The following CENPF variants were observed in gnomAD, a reference collection of about 807,000 sequenced individuals.
CENPF encodes the protein centromere protein F, also known as AH antigen.
In CENPF, 214 loss-of-function variants were observed where a neutral mutation model predicts 307.3. That is an observed-to-expected ratio of 0.70 (90% CI 0.62 to 0.78). The LOEUF is 0.78. CENPF is among the 30% of genes least tolerant of loss of function. The pLI is 0.00. For synonymous variants in CENPF, 1,259 were observed against 1,270.6 expected (o/e 0.99, Z 0.19); for missense variants, 3,401 against 3,483.9 (o/e 0.98, Z 0.60).
At chr1:214,639,776 A>G (rs1658054953) in intron 11 of CENPF, 145 bp from the exon 12 acceptor site, 1 of 423,364 alleles carries the variant, frequency 2.4e-6, no homozygotes, top group Non-Finnish European at 4.1e-6. Flanking sequence ...TCTAGGAGGT[A>G]CCCAGGCAAT....
At chr1:214,652,151 T>A (rs370831121) in intron 15 of CENPF, among the ~76,000 whole-genome samples, 1 of 146,988 alleles carries the variant, frequency 6.8e-6, no homozygotes, top group Admixed American at 6.8e-5. Context: ...TTCTCCTACC[T>A]CAGCCTCCCG....
chr1:214,648,847 G>A lies in CENPF; in HGVS notation c.7983+20G>A, dbSNP rs2102570917. ...AGCAAAGTAAGTTTCTTTGTGACAAGTGTTATTATGATCTGTTAATTCATT... is the reference window on the plus strand; with the variant it reads ...AGCAAAGTAAGTTTCTTTGTGACAAATGTTATTATGATCTGTTAATTCATT... On this transcript the variant is annotated intron_variant, in intron 14 of 19. Transcript: ENST00000366955. 2 of 1,610,362 alleles carry A rather than the reference G, an allele frequency of 1.2e-6. No homozygotes were observed. The highest frequency in any genetic ancestry group is 2.2e-5 in the South Asian group (2 of 90,380).
chr1:214,603,901 G>T (rs1656955530), intron 1 of CENPF, among the ~76,000 whole-genome samples: 1 of 151,772 alleles, frequency 6.6e-6, no homozygotes, highest in Admixed American at 6.6e-5. Context: ...GGGCTCAAGG[G>T]ATCCTCCCGC....
Position 214,646,247 on chromosome 1 carries a change from T to C in CENPF, c.6677T>C (p.Leu2226Ser). The change falls in exon 13 of 20, where the codon TTG becomes TCG. Residue 2226 changes from leucine to serine, a missense_variant. Physicochemically the swap from Leu to Ser is moderately radical, Grantham distance 145. Coordinates refer to ENST00000366955, the MANE Select transcript of CENPF (RefSeq NM_016343.4). Reference sequence around the variant, plus strand: ...CAAATACAAGAAAAACAAGGTCAGTTGTCAGAACTAGACAAGTTACTCTCT... The same window carrying C: ...CAAATACAAGAAAAACAAGGTCAGTCGTCAGAACTAGACAAGTTACTCTCT... ...TKQIQEKQGQ[L>S]SELDKLLSSF... is the part of the protein sequence containing the mutation. 5 of 1,614,020 alleles carry C rather than the reference T, an allele frequency of 3.1e-6. No homozygotes were observed. The highest frequency in any genetic ancestry group is 4.2e-6 in the Non-Finnish European group (5 of 1,180,010).
chr1:214,632,729 GAAGT>G (rs146826898), intron 10 of CENPF, 127 bp downstream of exon 10: 47,570 of 1,089,588 alleles, frequency 0.044, 1,609 homozygotes, highest in East Asian at 0.12. Flanking sequence ...CTATTCACCA[GAAGT>G]AAGTATTACA....
rs762018580 is a variant in CENPF at position 214,641,315 on chromosome 1, T to G, written c.2977T>G (p.Leu993Val). Residue 993 changes from leucine (L) to valine (V), a missense_variant, in exon 12 of 20, where the codon TTA becomes GTA. Physicochemically the swap from Leu to Val is conservative, Grantham distance 32 (BLOSUM62 1). Coordinates refer to ENST00000366955, the MANE Select transcript of CENPF (RefSeq NM_016343.4). ...NASLNQEKMN[L>V]IQKSESFANY... ...ATCCTTAAATCAAGAGAAGATGAACTTAATCCAGAAAAGTGAGAGTTTTGC... is the reference window on the plus strand; with the variant it reads ...ATCCTTAAATCAAGAGAAGATGAACGTAATCCAGAAAAGTGAGAGTTTTGC... 7 of 1,610,646 alleles carry G rather than the reference T, an allele frequency of 4.3e-6. No individual in the cohort carries two copies. In the African/African-American group the frequency reaches 9.4e-5, roughly 22 times the overall value.
chr1:214,634,222 G>A (rs879101728), intron 10 of CENPF, among the ~76,000 whole-genome samples: 3 of 152,192 alleles, frequency 2.0e-5, no homozygotes, highest in South Asian at 4.1e-4. Context: ...GTCTAGCACC[G>A]GGCCTGGGGA....
chr1:214,631,511 G>GT (rs942565348), intron 9 of CENPF, among the ~76,000 whole-genome samples: 18 of 152,106 alleles, frequency 1.2e-4, no homozygotes, highest in African/African-American at 2.7e-4. Context: ...GTTTTGTTTT[G>GT]TTTTTTGAGA....
At position 214,646,556 on chromosome 1, in the gene CENPF, A is replaced by G. The variant is rs1357353079; in HGVS notation, c.6986A>G (p.His2329Arg). ...TTACAACAACTGAAGGAAAGTGAGC[A>G]TCATGCAGATTTACTTAAGGGTAGA... ...CVLQQLKESEHHADLLKGRVE... is the reference protein window; with the variant it reads ...CVLQQLKESERHADLLKGRVE... Residue 2329 changes from histidine to arginine, a missense_variant, in exon 13 of 20, where the codon CAT (histidine) becomes CGT (arginine). Coordinates refer to ENST00000366955, the MANE Select transcript of CENPF (RefSeq NM_016343.4). 9 of 1,614,026 alleles carry G rather than the reference A, an allele frequency of 5.6e-6. No individual in the cohort carries two copies. Among genetic ancestry groups the G allele is most frequent in the African/African-American group, 1.3e-5 (1 of 74,922 alleles).
Position 214,644,891 on chromosome 1 carries a change from T to G in CENPF, c.5321T>G (p.Leu1774Arg). 4 of 1,614,014 alleles carry G rather than the reference T, an allele frequency of 2.5e-6. No individual in the cohort carries two copies. Among genetic ancestry groups the G allele is most frequent in the South Asian group, 1.1e-5 (1 of 91,070 alleles). ...GNQEDIHNLQ[L>R]RVKETSNENL... is the part of the protein sequence containing the mutation. Reference sequence around the variant, plus strand: ...CAGGAAGATATCCATAATCTTCAACTGCGGGTAAAAGAGACATCAAATGAG... The same window carrying G: ...CAGGAAGATATCCATAATCTTCAACGGCGGGTAAAAGAGACATCAAATGAG... The change falls in exon 13 of 20, where the codon CTG becomes CGG. Residue 1774 changes from leucine (L) to arginine (R), a missense_variant. By Grantham distance (102) the Leu-to-Arg change is moderately radical (BLOSUM62 -2). Transcript: ENST00000366955.
intron 3 of CENPF, 65 bp from the exon 4 acceptor site, chr1:214,618,508 G>C: frequency 6.4e-7 from 1 of 1,560,638 alleles, no homozygotes. Context: ...GGGAATGTAA[G>C]GCATTGATAT....
intron 11 of CENPF, 113 bp downstream of exon 11, chr1:214,638,114 C>T: frequency 8.9e-7 from 1 of 1,122,930 alleles, no homozygotes; most frequent in Non-Finnish European, 1.2e-6. Flanking sequence ...CATATATTCC[C>T]TCAAAAAGAT....
chr1:214,620,446 T>G (rs946945059), intron 5 of CENPF, among the ~76,000 whole-genome samples: 17 of 152,224 alleles, frequency 1.1e-4, no homozygotes, highest in African/African-American at 3.4e-4. Context: ...TGGTAGTAGC[T>G]TATTCCTTCA....
In CENPF at chr1:214,654,951, C is replaced by T. The variant is rs111837871; in HGVS notation, c.8323-290C>T. Among the ~76,000 whole-genome samples the T allele has an allele frequency of 4.2e-3, 642 of 151,718 alleles. 4 individuals carry two copies. The highest frequency in any genetic ancestry group is 7.2e-3 in the Non-Finnish European group (491 of 68,006). ...TGTCTCCCTGTCCAGTAATCCAATGCGATTCCCATTGGATAAATACAGACA... is the reference window on the plus strand; with the variant it reads ...TGTCTCCCTGTCCAGTAATCCAATGTGATTCCCATTGGATAAATACAGACA... On this transcript the variant is annotated intron_variant, in intron 16 of 19. Coordinates refer to ENST00000366955, the MANE Select transcript of CENPF (RefSeq NM_016343.4).
intron 19 of CENPF, among the ~76,000 whole-genome samples, chr1:214,661,851 G>A (rs929723963): frequency 6.6e-6 from 1 of 151,726 alleles, no homozygotes. Flanking sequence ...AATCATTTAT[G>A]AGACAATTAG....
chr1:214,611,833 A>G (rs912468320), intron 1 of CENPF, among the ~76,000 whole-genome samples: 2 of 152,200 alleles, frequency 1.3e-5, no homozygotes, highest in Non-Finnish European at 2.9e-5. Flanking sequence ...TGATTTTCGT[A>G]TCCTGAGAGT....
intron 1 of CENPF, chr1:214,608,676 G>T: frequency 1.9e-6 from 3 of 1,597,818 alleles, no homozygotes; most frequent in Non-Finnish European, 2.5e-6. Flanking sequence ...AGGCCCGCAG[G>T]GTCCCCAAGG....
In CENPF at chr1:214,622,186, G is replaced by A. The variant is rs567806895; in HGVS notation, c.973G>A (p.Ala325Thr). The A allele has an allele frequency of 3.7e-6, 6 of 1,613,964 alleles. No homozygotes were observed. The South Asian group carries it at 5.5e-5, about 15-fold the overall frequency. ...AGAACTCCAACTCCAACTGGAGAAA[G>A]CAAAAGTGGAATTAATTGAAAAAGA... ...FQELQLQLEK[A>T]KVELIEKEKV... Residue 325 changes from alanine (A) to threonine (T), a missense_variant, in exon 7 of 20, where the codon GCA becomes ACA. Ala to Thr is a moderately conservative substitution (Grantham distance 58). Transcript: ENST00000366955.
In CENPF at chr1:214,647,152, A is replaced by G. The variant is rs760223118; in HGVS notation, c.7582A>G (p.Lys2528Glu). The change falls in exon 13 of 20, where the codon AAA becomes GAA. Residue 2528 changes from lysine to glutamate, a missense_variant. By Grantham distance (56) the Lys-to-Glu change is moderately conservative (BLOSUM62 1). Transcript: ENST00000366955. ...EKKDEEISRL[K>E]NQIQDQEQLV... The stretch of plus-strand genomic sequence containing the variant: ...GAAGGATGAAGAAATCAGTAGACTG[A>G]AAAATCAAATTCAAGACCAAGAGCA... The G allele has an allele frequency of 6.2e-7, 1 of 1,614,046 alleles. No homozygotes were observed. The highest frequency in any genetic ancestry group is 1.1e-5 in the South Asian group (1 of 91,076).
Sources: allele counts gnomAD v4.1 joint callset (sites outside exome capture counted in the v4.1 genomes callset), GRCh38; gene constraint gnomAD v4.1.1; transcripts MANE v1.5; gene names NCBI Gene and HGNC (gene_info 2026-07-23, HGNC 2026-07-21).